The following EEF2K variants were observed in gnomAD, a reference collection of about 807,000 sequenced individuals.
EEF2K encodes eukaryotic elongation factor 2 kinase, also known as alternative protein EEF2K.
In EEF2K, 70 loss-of-function variants were observed where a neutral mutation model predicts 93.8. That is an observed-to-expected ratio of 0.75 (90% CI 0.62 to 0.91). The LOEUF is 0.91. EEF2K is among the 40% of genes least tolerant of loss of function. The pLI is 0.00. For synonymous variants in EEF2K, 376 were observed against 380.8 expected, an observed-to-expected ratio of 0.99 and a Z score of 0.15; for missense variants, 935 against 972.9, an observed-to-expected ratio of 0.96 and a Z score of 0.52.
Position 22,222,993 on chromosome 16 carries a change from C to G in EEF2K, c.-76-2661C>G, listed in dbSNP as rs573798740. On this transcript the variant is annotated intron_variant, in intron 1 of 17. Transcript: ENST00000263026. ...AACCCCATACCCATTAGCAATCATT[C>G]CCCATTTCCCCCAACCATTCCCACC... 3.3e-5 allele frequency among the ~76,000 whole-genome samples: 5 copies of G among 152,216 alleles called. No individual in the cohort carries two copies. The South Asian group carries it at 8.3e-4, about 25-fold the overall frequency.
At chr16:22,281,690 G>T (rs1405982641) in intron 17 of EEF2K, among the ~76,000 whole-genome samples, 1 of 152,126 alleles carries the variant, frequency 6.6e-6, no homozygotes, top group East Asian at 1.9e-4. Context: ...CTATAGATTT[G>T]CCTATTCTGG....
chr16:22,249,657 G>T (rs2047329391), intron 4 of EEF2K, among the ~76,000 whole-genome samples: 1 of 152,002 alleles, frequency 6.6e-6, no homozygotes, highest in Non-Finnish European at 1.5e-5. Flanking sequence ...CCAGGCTGGG[G>T]TGTAGGGGTA....
At chr16:22,276,265 AT>A (rs746664691) in intron 16 of EEF2K, among the ~76,000 whole-genome samples, 1 of 149,358 alleles carries the variant, frequency 6.7e-6, no homozygotes, top group Non-Finnish European at 1.5e-5. Flanking sequence ...TTTAAAAGAC[AT>A]TTTTTTTTTC....
intron 16 of EEF2K, 101 bp from the exon 17 acceptor site, chr16:22,280,097 C>T: frequency 8.1e-7 from 1 of 1,239,922 alleles, no homozygotes; most frequent in Non-Finnish European, 1.1e-6. Context: ...AGGTGGTGGC[C>T]CTGCTGGGAT....
chr16:22,258,660 C>A lies in EEF2K; in HGVS notation c.1196C>A (p.Ser399Ter), dbSNP rs201712494. 2 of 1,614,066 alleles carry A rather than the reference C, an allele frequency of 1.2e-6. No homozygotes were observed. Among genetic ancestry groups the A allele is most frequent in the African/African-American group, 2.7e-5 (2 of 74,928 alleles). The change falls in exon 10 of 18, where the codon TCG (serine) becomes TAG (stop). Residue 399 changes from serine to a stop codon, truncating the protein, a stop_gained. Coordinates refer to ENST00000263026, the MANE Select transcript of EEF2K (RefSeq NM_013302.5). LOFTEE classifies it high-confidence loss of function. ...TFDSLPSSPS[S>*]ATPHSQKLDH... is the part of the protein sequence containing the mutation. ...GACTCTCTCCCTTCTTCCCCATCTT[C>A]GGCCACACCACACAGCCAGAAGCTA...
At chr16:22,235,382 T>C (rs141716459) in intron 2 of EEF2K, among the ~76,000 whole-genome samples, 127 of 152,292 alleles carry the variant, frequency 8.3e-4, no homozygotes, top group African/African-American at 3.0e-3. Context: ...GAAATCATCA[T>C]GTCTTTTCAG....
At chr16:22,244,759 G>C (rs1326856973) in intron 3 of EEF2K, 29 bp downstream of exon 3, 9 of 1,610,880 alleles carry the variant, frequency 5.6e-6, no homozygotes, top group Non-Finnish European at 7.6e-6. Context: ...GTCTCGAGGA[G>C]TCCTGGGGGC....
At chr16:22,210,035 T>C (rs1296160888) in intron 1 of EEF2K, among the ~76,000 whole-genome samples, 2 of 152,186 alleles carry the variant, frequency 1.3e-5, no homozygotes, top group Non-Finnish European at 2.9e-5. Flanking sequence ...GCTCAAGCGA[T>C]TCTTCTGTCT....
intron 2 of EEF2K, among the ~76,000 whole-genome samples, chr16:22,239,471 T>G (rs116437286): frequency 0.013 from 1,935 of 152,304 alleles, 45 homozygotes; most frequent in African/African-American, 0.043. Flanking sequence ...AGGCTGTCCC[T>G]GCCATTTGTA....
At position 22,251,292 on chromosome 16, in the gene EEF2K, G is replaced by A. The variant is rs755041930; in HGVS notation, c.588G>A (p.Glu196=). 9 of 1,614,024 alleles carry A rather than the reference G, an allele frequency of 5.6e-6. No individual in the cohort carries two copies. The highest frequency in any genetic ancestry group is 1.7e-6 in the Non-Finnish European group (2 of 1,180,010). ...RLQMEAKLWG[E]EYNRHKPPKQ... Reference sequence around the variant, plus strand: ...AGATGGAGGCCAAGCTCTGGGGGGAGGAGTATAATCGGCACAAGCCCCCCA... The same window carrying A: ...AGATGGAGGCCAAGCTCTGGGGGGAAGAGTATAATCGGCACAAGCCCCCCA... The change falls in exon 6 of 18, where the codon GAG becomes GAA. Residue 196 remains glutamate, a synonymous_variant. Coordinates refer to ENST00000263026, the MANE Select transcript of EEF2K (RefSeq NM_013302.5).
At chr16:22,270,360 T>A (rs2141683011) in intron 15 of EEF2K, among the ~76,000 whole-genome samples, 1 of 151,806 alleles carries the variant, frequency 6.6e-6, no homozygotes, top group East Asian at 1.9e-4. Context: ...CCTGACCTCA[T>A]GTGATCCACC....
chr16:22,261,689 C>CAAA (rs540197847), intron 11 of EEF2K, among the ~76,000 whole-genome samples: 1 of 88,208 alleles, frequency 1.1e-5, no homozygotes, highest in Admixed American at 1.3e-4. Flanking sequence ...GACTCAGTCT[C>CAAA]AAAAAAAAAA....
chr16:22,244,727 A>G lies in EEF2K; in HGVS notation c.344A>G (p.His115Arg), dbSNP rs2047268319. 1.2e-6 allele frequency: 2 copies of G among 1,613,854 alleles called. No homozygotes were observed. The highest frequency in any genetic ancestry group is 1.7e-6 in the Non-Finnish European group (2 of 1,179,866). The stretch of plus-strand genomic sequence containing the variant: ...ATTGCCACCGAACGTGCTACTCGAC[A>G]CAGGTCAGCAGCTTGTGTGGGGTCT... ...EDIATERATR[H>R]RYNAVTGEWL... is the part of the protein sequence containing the mutation. Residue 115 changes from histidine to arginine, a missense_variant, in exon 3 of 18, where the codon CAC (histidine) becomes CGC (arginine). Coordinates refer to ENST00000263026, the MANE Select transcript of EEF2K (RefSeq NM_013302.5).
At chr16:22,272,357 G>T (rs1442918899) in intron 15 of EEF2K, among the ~76,000 whole-genome samples, 1 of 152,204 alleles carries the variant, frequency 6.6e-6, no homozygotes, top group African/African-American at 2.4e-5. Flanking sequence ...TCATAAAAAG[G>T]AATGAAATAT....
chr16:22,217,436 A>C (rs945854706), intron 1 of EEF2K, among the ~76,000 whole-genome samples: 1 of 152,018 alleles, frequency 6.6e-6, no homozygotes, highest in African/African-American at 2.4e-5. Flanking sequence ...TAAATAATAT[A>C]CAATGGCCCA....
chr16:22,224,316 A>G (rs1252251874), intron 1 of EEF2K, among the ~76,000 whole-genome samples: 1 of 152,066 alleles, frequency 6.6e-6, no homozygotes, highest in Non-Finnish European at 1.5e-5. Context: ...GACAATAACA[A>G]AGTAAACGGG....
At chr16:22,257,109 A>G (rs1161643587) in intron 7 of EEF2K, 144 bp from the exon 8 acceptor site, 25 of 1,447,442 alleles carry the variant, frequency 1.7e-5, no homozygotes, top group South Asian at 2.5e-5. Flanking sequence ...TCCCTGCCCA[A>G]CTGAAGAGGC....
intron 1 of EEF2K, among the ~76,000 whole-genome samples, chr16:22,213,713 G>T (rs2046935910): frequency 6.6e-6 from 1 of 152,180 alleles, no homozygotes; most frequent in African/African-American, 2.4e-5. Context: ...GCCTTCTCCA[G>T]ATTCTAGGGG....
chr16:22,234,415 GGCGTGGT>G (rs1365053974), intron 2 of EEF2K, among the ~76,000 whole-genome samples: 1 of 152,046 alleles, frequency 6.6e-6, no homozygotes, highest in Non-Finnish European at 1.5e-5. Context: ...AAATTATCTG[GGCGTGGT>G]GGTGTGAGAC....
Sources: gnomAD v4.1 joint callset for allele counts (sites outside exome capture counted in the v4.1 genomes callset) on GRCh38, gnomAD v4.1.1 for gene constraint, MANE v1.5 for transcripts, NCBI Gene and HGNC (gene_info 2026-07-23, HGNC 2026-07-21) for gene names.